The following VWA5A variants were observed in gnomAD, a reference collection of about 807,000 sequenced individuals.
The protein encoded by VWA5A is von Willebrand factor A domain-containing protein 5A.
A neutral mutation model predicts 84.6 loss-of-function variants in VWA5A; 77 were observed. The ratio of observed to expected loss-of-function variants is 0.91; its 90% CI spans 0.76 to 1.10. VWA5A has a LOEUF of 1.10. VWA5A is among the 50% of genes least tolerant of loss of function. The probability of loss-of-function intolerance (pLI) is 0.00; values close to 1 mark genes in which losing one functional copy is unlikely to be tolerated. For synonymous variants in VWA5A, 334 were observed against 350.1 expected, an observed-to-expected ratio of 0.95 and a Z score of 0.51; for missense variants, 973 against 963.0, an observed-to-expected ratio of 1.01 and a Z score of -0.14.
rs1282399404 is a variant in VWA5A, at chr11:124,141,740, A to C, written c.2022A>C (p.Pro674=). 3 of 1,613,624 alleles carry C rather than the reference A, an allele frequency of 1.9e-6. No homozygotes were observed. The highest frequency in any genetic ancestry group is 2.5e-6 in the Non-Finnish European group (3 of 1,179,868). ...GLISHKDQHS[P]GFGENHLVQL... is the part of the protein sequence containing the mutation. ...TAAGTCACAAGGACCAGCACAGTCC[A>C]GGTGAGTACCTTTATAGGAACATTT... Residue 674 remains proline (P), a splice_region_variant and synonymous_variant, in exon 16 of 19, where the codon CCA becomes CCC. Coordinates refer to ENST00000456829, the MANE Select transcript of VWA5A (RefSeq NM_001130142.2).
At chr11:124,124,572 A>T (rs1864988480) in intron 11 of VWA5A, 2 of 1,199,202 alleles carry the variant, frequency 1.7e-6, no homozygotes, top group Middle Eastern at 3.2e-4. Flanking sequence ...TAAGATGTTA[A>T]TTTTTTTTAC....
chr11:124,138,460 G>A (rs12290543), intron 15 of VWA5A, among the ~76,000 whole-genome samples: 3,473 of 151,962 alleles, frequency 0.023, 150 homozygotes, highest in African/African-American at 0.079. Flanking sequence ...GTTATCTTTT[G>A]TCTTTTTGAT....
chr11:124,130,217 T>C (rs1591361278), intron 11 of VWA5A, among the ~76,000 whole-genome samples: 1 of 152,234 alleles, frequency 6.6e-6, no homozygotes, highest in East Asian at 1.9e-4. Flanking sequence ...TATTTATTTC[T>C]GCCTTAACTT....
intron 11 of VWA5A, among the ~76,000 whole-genome samples, chr11:124,126,486 G>A (rs1336091056): frequency 1.3e-5 from 2 of 152,206 alleles, no homozygotes; most frequent in East Asian, 1.9e-4. Context: ...GGGGCTGGCC[G>A]CAGTGATTGA....
At chr11:124,124,420 G>T in intron 11 of VWA5A, 104 bp downstream of exon 11, 1 of 1,448,998 alleles carries the variant, frequency 6.9e-7, no homozygotes, top group South Asian at 1.5e-5. Context: ...AGGACCAAAT[G>T]ATTTCAGAAT....
At chr11:124,130,371 A>G (rs1275623011) in intron 11 of VWA5A, among the ~76,000 whole-genome samples, 3 of 152,006 alleles carry the variant, frequency 2.0e-5, no homozygotes, top group Admixed American at 6.6e-5. Flanking sequence ...ATTATTTTGC[A>G]TTTGCTGAGG....
chr11:124,120,234 A>G (rs1021705414), intron 7 of VWA5A, among the ~76,000 whole-genome samples: 2 of 152,070 alleles, frequency 1.3e-5, no homozygotes, highest in Non-Finnish European at 2.9e-5. Flanking sequence ...ATTTTCCTTA[A>G]TGTACATGCA....
chr11:124,118,261 A>G lies in VWA5A; in HGVS notation c.319A>G (p.Arg107Gly), dbSNP rs759287401. 3 of 1,614,090 alleles carry G rather than the reference A, an allele frequency of 1.9e-6. No individual in the cohort carries two copies. Among genetic ancestry groups the G allele is most frequent in the Non-Finnish European group, 2.5e-6 (3 of 1,180,050 alleles). Residue 107 changes from arginine (R) to glycine (G), a missense_variant, in exon 5 of 19, where the codon AGG (arginine) becomes GGG (glycine). Transcript: ENST00000456829. ...AFLLEGDSSS[R>G]DVFSCNVGNL... ...CTTATTGGAGGGGGACAGCAGCTCCAGGGATGTCTTCTCTTGCAATGTGGG... is the reference window on the plus strand; with the variant it reads ...CTTATTGGAGGGGGACAGCAGCTCCGGGGATGTCTTCTCTTGCAATGTGGG...
In VWA5A at chr11:124,136,672, C is replaced by G; in HGVS notation, c.1623C>G (p.Val541=). ...VTFPLQPKPD[V]NLTIHRLAAK... The stretch of plus-strand genomic sequence containing the variant: ...TTCCTCTACAACCCAAGCCTGATGT[C>G]AAGTGAGAATTCAGTTTTCCCTTCC... Residue 541 remains valine (V), a splice_region_variant and synonymous_variant, in exon 14 of 19, where the codon GTC becomes GTG. Transcript: ENST00000456829. The G allele has an allele frequency of 6.2e-7, 1 of 1,612,580 alleles. No homozygotes were observed. Among genetic ancestry groups the G allele is most frequent in the East Asian group, 2.2e-5 (1 of 44,810 alleles).
chr11:124,123,104 C>T lies in VWA5A; in HGVS notation c.905C>T (p.Ser302Phe), dbSNP rs1404946605. The T allele has an allele frequency of 2.5e-6, 4 of 1,612,556 alleles. No individual in the cohort carries two copies. Among genetic ancestry groups the T allele is most frequent in the Admixed American group, 3.4e-5 (2 of 59,692 alleles). ...MQSPMSSQDTSQLRIQAAKET... is the reference protein window; with the variant it reads ...MQSPMSSQDTFQLRIQAAKET... ...AGCCCCATGAGTAGCCAGGATACAT[C>T]TCAGCTGCGAATACAGGCAGCCAAG... The change falls in exon 8 of 19, where the codon TCT becomes TTT. Residue 302 changes from serine (S) to phenylalanine (F), a missense_variant. By Grantham distance (155) the Ser-to-Phe change is radical (BLOSUM62 -2). Transcript: ENST00000456829.
intron 17 of VWA5A, 42 bp downstream of exon 17, chr11:124,142,614 A>G (rs747796229): frequency 1.9e-6 from 3 of 1,610,908 alleles, no homozygotes; most frequent in Non-Finnish European, 2.5e-6. Context: ...TTTTTGAGAG[A>G]GAGGTCATCA....
At chr11:124,125,112 G>A (rs1209649722) in intron 11 of VWA5A, among the ~76,000 whole-genome samples, 2 of 152,126 alleles carry the variant, frequency 1.3e-5, no homozygotes, top group African/African-American at 4.8e-5. Context: ...ATTTTTCTCT[G>A]AGTAGACAGA....
intron 16 of VWA5A, among the ~76,000 whole-genome samples, chr11:124,141,969 C>A (rs1381466617): frequency 1.3e-5 from 2 of 152,178 alleles, no homozygotes; most frequent in East Asian, 1.9e-4. Flanking sequence ...TAGGGACTGA[C>A]AAACTAGCCT....
rs772298539 is a variant in VWA5A at position 124,118,212 on chromosome 11, C to T, written c.270C>T (p.Ala90=). 5.6e-6 allele frequency: 9 copies of T among 1,613,926 alleles called. No individual in the cohort carries two copies. The African/African-American group carries it at 6.7e-5, about 12-fold the overall frequency. Residue 90 remains alanine (A), a synonymous_variant, in exon 5 of 19, where the codon GCC becomes GCT. Coordinates refer to ENST00000456829, the MANE Select transcript of VWA5A (RefSeq NM_001130142.2). ...KMKARTNYEK[A]ISQGHQAFLL... ...AGGCCCGCACCAACTATGAGAAAGC[C>T]ATCTCCCAGGGCCACCAGGCCTTCT...
rs2137627516 is a variant in VWA5A, at chr11:124,119,082, G to C, written c.753G>C (p.Met251Ile). ...TTTTGGAGATGGGGATGCCTAACAT[G>C]AAGCCAGGTATTTTCTTTCTTCCTT... ...SVVLEMGMPN[M>I]KPGHLMGDPS... The change falls in exon 7 of 19, where the codon ATG becomes ATC. Residue 251 changes from methionine to isoleucine, a missense_variant. By Grantham distance (10) the Met-to-Ile change is conservative (BLOSUM62 1). Coordinates refer to ENST00000456829, the MANE Select transcript of VWA5A (RefSeq NM_001130142.2). 6.2e-7 allele frequency: 1 copy of C among 1,613,910 alleles called. No individual in the cohort carries two copies. Among genetic ancestry groups the C allele is most frequent in the East Asian group, 2.2e-5 (1 of 44,882 alleles).
At chr11:124,127,825 T>C (rs1007961369) in intron 11 of VWA5A, among the ~76,000 whole-genome samples, 3 of 152,224 alleles carry the variant, frequency 2.0e-5, no homozygotes, top group Non-Finnish European at 2.9e-5. Flanking sequence ...TTGGAAAGTG[T>C]CTGTTCATAT....
intron 15 of VWA5A, among the ~76,000 whole-genome samples, chr11:124,137,931 T>G (rs912131472): frequency 5.3e-5 from 8 of 152,254 alleles, no homozygotes; most frequent in Non-Finnish European, 1.0e-4. Flanking sequence ...CAATCATGGC[T>G]TACTGCAGCC....
At chr11:124,131,423 G>A (rs190370522) in intron 11 of VWA5A, among the ~76,000 whole-genome samples, 292 of 152,036 alleles carry the variant, frequency 1.9e-3, no homozygotes, top group African/African-American at 6.7e-3. Flanking sequence ...GCAGTGGACC[G>A]CACATAACTG....
At chr11:124,136,825 T>C in intron 14 of VWA5A, 151 bp downstream of exon 14, 1 of 1,006,896 alleles carries the variant, frequency 9.9e-7, no homozygotes, top group Non-Finnish European at 1.4e-6. Context: ...TTAGATTTCT[T>C]CTCTTAATTC....
Sources: allele counts gnomAD v4.1 joint callset (sites outside exome capture counted in the v4.1 genomes callset), GRCh38; gene constraint gnomAD v4.1.1; transcripts MANE v1.5; gene names NCBI Gene and HGNC (gene_info 2026-07-23, HGNC 2026-07-21).